The following CFAP47 variants were observed in gnomAD, a reference collection of about 807,000 sequenced individuals.
The protein encoded by CFAP47 is cilia and flagella associated protein 47, also known as cilia- and flagella-associated protein 47.
Under a neutral mutation model 148.1 loss-of-function variants are expected in CFAP47, and 29 were observed. That is an observed-to-expected ratio of 0.20 (90% CI 0.15 to 0.27). CFAP47 has a LOEUF of 0.27. Among genes scored for constraint, CFAP47 ranks in the 10% least tolerant of loss-of-function variants. The pLI, the probability that CFAP47 is intolerant of heterozygous loss-of-function variation, is 1.00. For synonymous variants in CFAP47, 664 were observed against 577.3 expected (o/e 1.15, Z -2.15); for missense variants, 1,872 against 1,697.5 (o/e 1.10, Z -1.81).
intron 26 of CFAP47, among the ~76,000 whole-genome samples, chrX:36,057,402 G>C (rs1162289063): frequency 9.0e-6 from 1 of 111,308 alleles, no homozygotes; most frequent in Non-Finnish European, 1.9e-5. Context: ...TAAATATTAG[G>C]ACATGGTGAT....
intron 27 of CFAP47, among the ~76,000 whole-genome samples, chrX:36,066,270 C>CA (rs1248306561): frequency 7.6e-4 from 82 of 108,592 alleles, no homozygotes; most frequent in African/African-American, 4.7e-4. Context: ...GAGTGGGTAA[C>CA]AAAAAAAAAT....
chrX:36,138,544 G>A, intron 35 of CFAP47, 80 bp downstream of exon 35: 1 of 1,006,367 alleles, frequency 9.9e-7, no homozygotes, highest in Non-Finnish European at 1.3e-6. Context: ...ATATTGCTTT[G>A]TTCATATTTT....
chrX:36,252,644 A>G (rs1428546681), intron 49 of CFAP47, among the ~76,000 whole-genome samples: 1 of 111,702 alleles, frequency 9.0e-6, no homozygotes, highest in Admixed American at 9.6e-5. Context: ...AACATATTTT[A>G]CTATTTTTTA....
At chrX:36,008,490 C>T (rs1198993464) in intron 21 of CFAP47, among the ~76,000 whole-genome samples, 1 of 110,627 alleles carries the variant, frequency 9.0e-6, no homozygotes, top group Non-Finnish European at 1.9e-5. Context: ...CTGCTTCTGG[C>T]TGGGTATGGT....
At chrX:36,270,817 C>T (rs1304932844) in intron 49 of CFAP47, among the ~76,000 whole-genome samples, 1 of 108,524 alleles carries the variant, frequency 9.2e-6, no homozygotes, top group Non-Finnish European at 1.9e-5. Flanking sequence ...CAGTCTGCAA[C>T]TTGCCTTTTT....
chrX:35,965,038 C>T (rs1217071770), intron 8 of CFAP47, among the ~76,000 whole-genome samples: 2 of 111,366 alleles, frequency 1.8e-5, no homozygotes, highest in Admixed American at 9.6e-5. Context: ...TTGGGTGTCT[C>T]GTATTTTTTT....
At chrX:36,344,070 C>A (rs1556016199) in intron 57 of CFAP47, among the ~76,000 whole-genome samples, 1 of 102,117 alleles carries the variant, frequency 9.8e-6, no homozygotes, top group African/African-American at 3.6e-5. Flanking sequence ...GTGAATAATG[C>A]CGCAATAAGT....
At chrX:36,233,774 A>G (rs1224432327) in intron 46 of CFAP47, among the ~76,000 whole-genome samples, 1 of 110,625 alleles carries the variant, frequency 9.0e-6, no homozygotes, top group Non-Finnish European at 1.9e-5. Context: ...TTCCATGTTT[A>G]GCGCTTCCTT....
chrX:35,970,662 T>C, intron 10 of CFAP47, 106 bp from the exon 11 acceptor site: 1 of 532,250 alleles, frequency 1.9e-6, no homozygotes, highest in Non-Finnish European at 3.0e-6. Context: ...CTATTTGCCA[T>C]TCCACATCCA....
rs1430919085 is a variant in CFAP47, at chrX:36,149,796, G to C, written c.5786+573G>C. 9.3e-5 allele frequency among the ~76,000 whole-genome samples: 10 copies of C among 107,172 alleles called. 1 individual carries two copies. The Admixed American group carries it at 1.0e-3, about 11-fold the overall frequency. 93.1% of individuals were successfully genotyped at this position (107,172 alleles called of 115,157 possible). The stretch of plus-strand genomic sequence containing the variant: ...GCTAATTTTTGTATTTTTAGTAGAG[G>C]CAGGGTTTCACCACGTTGGCCAGGC... On this transcript the variant is annotated intron_variant, in intron 37 of 63. Transcript: ENST00000378653.
intron 49 of CFAP47, among the ~76,000 whole-genome samples, chrX:36,274,310 T>C (rs782103993): frequency 8.9e-6 from 1 of 112,089 alleles, no homozygotes; most frequent in South Asian, 3.7e-4. Flanking sequence ...GGAGTTATAA[T>C]GTTTCTACTT....
chrX:35,976,225 G>C (rs987342207), intron 15 of CFAP47, among the ~76,000 whole-genome samples: 6 of 110,504 alleles, frequency 5.4e-5, no homozygotes, highest in Non-Finnish European at 7.6e-5. Flanking sequence ...TGGCAAGTTT[G>C]AAATTTGCAG....
In CFAP47 at chrX:36,379,361, C is replaced by T. The variant is rs1556023631; in HGVS notation, c.9197C>T (p.Pro3066Leu). The part of the protein sequence containing the change: ...RLKSQTRNPE[P>L]FTAHFLPGSD... ...TACTTTTGTTCCAGAAATCCTGAGC[C>T]GTTCACCGCACACTTCCTACCTGGC... Residue 3066 changes from proline (P) to leucine (L), a missense_variant, in exon 63 of 64, where the codon CCG becomes CTG. By Grantham distance (98) the Pro-to-Leu change is moderately conservative. Transcript: ENST00000378653. 7 of 1,166,654 alleles carry T rather than the reference C, an allele frequency of 6.0e-6. 1 individual carries two copies. In the Middle Eastern group the frequency reaches 7.0e-4, roughly 116 times the overall value.
At chrX:36,151,842 A>G (rs974381945) in intron 37 of CFAP47, among the ~76,000 whole-genome samples, 4 of 112,277 alleles carry the variant, frequency 3.6e-5, no homozygotes, top group African/African-American at 1.3e-4. Flanking sequence ...CTTACAAACA[A>G]CAGAAATGTA....
chrX:35,995,800 AT>A lies in CFAP47; in HGVS notation c.3100-1511del, dbSNP rs750071255. 3.6e-3 allele frequency among the ~76,000 whole-genome samples: 396 copies of A among 111,348 alleles called. 1 individual carries two copies. Among genetic ancestry groups the A allele is most frequent in the African/African-American group, 0.013 (386 of 30,656 alleles). ...GTCCAGATGTGTGTAAGTGAACCAA[AT>A]ATATAATTGAGAAGTTGGAATGATA... On this transcript the variant is annotated intron_variant, in intron 18 of 63. Transcript: ENST00000378653.
In CFAP47 at chrX:36,334,975, C is replaced by T. The variant is rs988473194; in HGVS notation, c.8444-13154C>T. On this transcript the variant is annotated intron_variant, in intron 57 of 63. Transcript: ENST00000378653. ...TGCTCATACCATAGGTGATCTCATC[C>T]AGACTCATGGTTTTAGATGCCATGT... is the stretch of plus-strand genomic sequence containing the variant. 5.4e-5 allele frequency among the ~76,000 whole-genome samples: 6 copies of T among 110,771 alleles called. No individual in the cohort carries two copies. In the Admixed American group the frequency reaches 5.8e-4, roughly 11 times the overall value.
At chrX:36,034,980 C>A (rs145060112) in intron 23 of CFAP47, among the ~76,000 whole-genome samples, 3,075 of 108,906 alleles carry the variant, frequency 0.028, 53 homozygotes, top group African/African-American at 0.066. Context: ...CCCTCTCTCT[C>A]TATATATATA....
chrX:36,263,835 C>A (rs77634580), intron 49 of CFAP47, among the ~76,000 whole-genome samples: 1 of 111,907 alleles, frequency 8.9e-6, no homozygotes, highest in Non-Finnish European at 1.9e-5. Flanking sequence ...CTCAAGCAGC[C>A]ACCCTATAGC....
At chrX:36,152,975 C>A (rs916575192) in intron 37 of CFAP47, among the ~76,000 whole-genome samples, 1 of 110,763 alleles carries the variant, frequency 9.0e-6, no homozygotes, top group African/African-American at 3.3e-5. Context: ...ATCCCAATAG[C>A]CCCCCAAAAT....
Sources: gnomAD v4.1 joint callset for allele counts (sites outside exome capture counted in the v4.1 genomes callset) on GRCh38, gnomAD v4.1.1 for gene constraint, MANE v1.5 for transcripts, NCBI Gene and HGNC (gene_info 2026-07-23, HGNC 2026-07-21) for gene names.